The following DYM variants were observed in gnomAD, a reference collection of about 807,000 sequenced individuals.
DYM encodes the protein dymeclin.
A neutral mutation model predicts 93.1 loss-of-function variants in DYM; 78 were observed. The observed-to-expected ratio is 0.84, with a 90% CI of 0.70 to 1.01. The LOEUF is 1.01. DYM is among the 50% of genes least tolerant of loss of function. DYM has a pLI of 0.00. For synonymous variants in DYM, 321 were observed against 319.7 expected (o/e 1.00, Z -0.04); for missense variants, 789 against 845.0 (o/e 0.93, Z 0.82).
At chr18:49,124,988 G>A (rs185896623) in intron 15 of DYM, among the ~76,000 whole-genome samples, 2 of 152,216 alleles carry the variant, frequency 1.3e-5, no homozygotes, top group African/African-American at 4.8e-5. Flanking sequence ...GGCCAGGCAC[G>A]GTGGCTCACG....
At chr18:49,150,137 G>A (rs1415280578) in intron 15 of DYM, among the ~76,000 whole-genome samples, 3 of 152,178 alleles carry the variant, frequency 2.0e-5, no homozygotes, top group Admixed American at 6.5e-5. Flanking sequence ...ATTGGTTAAT[G>A]AGTTACTTCA....
At chr18:49,144,112 A>G (rs1321009861) in intron 15 of DYM, among the ~76,000 whole-genome samples, 1 of 152,310 alleles carries the variant, frequency 6.6e-6, no homozygotes, top group African/African-American at 2.4e-5. Flanking sequence ...TAAAATCTCT[A>G]TGGTGTAATT....
intron 16 of DYM, among the ~76,000 whole-genome samples, chr18:49,117,752 C>T (rs1021129975): frequency 1.3e-5 from 2 of 152,174 alleles, no homozygotes; most frequent in Non-Finnish European, 2.9e-5. Flanking sequence ...ACTGGTTCTA[C>T]ACACTACAGT....
At chr18:49,198,802 T>C (rs994034060) in intron 14 of DYM, among the ~76,000 whole-genome samples, 1 of 151,958 alleles carries the variant, frequency 6.6e-6, no homozygotes, top group Non-Finnish European at 1.5e-5. Context: ...AGTTTAACCA[T>C]TGTGGAAGTC....
At chr18:49,180,085 G>C (rs2089772432) in intron 14 of DYM, among the ~76,000 whole-genome samples, 1 of 152,122 alleles carries the variant, frequency 6.6e-6, no homozygotes, top group East Asian at 1.9e-4. Flanking sequence ...CCTAACTCTA[G>C]TCTGATAACA....
At chr18:49,199,234 G>C (rs555197839) in intron 14 of DYM, among the ~76,000 whole-genome samples, 1 of 152,130 alleles carries the variant, frequency 6.6e-6, no homozygotes, top group South Asian at 2.1e-4. Flanking sequence ...GTTGTGGGGT[G>C]GGGGGAGAAA....
intron 7 of DYM, among the ~76,000 whole-genome samples, chr18:49,333,100 A>C (rs2063425495): frequency 6.6e-6 from 1 of 152,234 alleles, no homozygotes; most frequent in South Asian, 2.1e-4. Flanking sequence ...CCTCAAAGGT[A>C]CTTTATTTGG....
intron 15 of DYM, among the ~76,000 whole-genome samples, chr18:49,156,469 C>T (rs1337563717): frequency 1.3e-5 from 2 of 151,938 alleles, no homozygotes; most frequent in African/African-American, 2.4e-5. Flanking sequence ...TGGTGGCTCA[C>T]GCCTGTAATC....
chr18:49,446,545 T>C (rs969617776), intron 1 of DYM, among the ~76,000 whole-genome samples: 1 of 152,170 alleles, frequency 6.6e-6, no homozygotes, highest in African/African-American at 2.4e-5. Context: ...AAGCCATATA[T>C]AAGCTACATC....
chr18:49,212,539 C>A (rs1215357324), intron 13 of DYM, among the ~76,000 whole-genome samples: 1 of 151,662 alleles, frequency 6.6e-6, no homozygotes, highest in Non-Finnish European at 1.5e-5. Context: ...ATTCTGTCAC[C>A]CAGGCTGGAG....
intron 14 of DYM, among the ~76,000 whole-genome samples, chr18:49,206,806 C>A (rs778709105): frequency 2.6e-5 from 4 of 152,228 alleles, no homozygotes; most frequent in African/African-American, 7.2e-5. Context: ...TGAAAAAATA[C>A]CCCCTGGAGG....
intron 1 of DYM, among the ~76,000 whole-genome samples, chr18:49,457,476 C>G (rs1186269620): frequency 6.6e-6 from 1 of 152,194 alleles, no homozygotes; most frequent in Non-Finnish European, 1.5e-5. Context: ...AAAGCCTATA[C>G]TACAAGTGTC....
intron 13 of DYM, among the ~76,000 whole-genome samples, chr18:49,210,804 T>C (rs1480862412): frequency 2.6e-5 from 4 of 152,208 alleles, no homozygotes; most frequent in Non-Finnish European, 5.9e-5. Flanking sequence ...GGCAACTCTA[T>C]ACTTTCTGAT....
At position 49,038,296 on chromosome 18, in the gene DYM, C is replaced by T. The variant is rs769036683; in HGVS notation, c.*5759G>A. ...TTTTTCTACCAATTAACAAAATAGGCATGTTAAAATATCACTCTGGTTGCA... is the reference window on the plus strand; with the variant it reads ...TTTTTCTACCAATTAACAAAATAGGTATGTTAAAATATCACTCTGGTTGCA... On this transcript the variant is annotated 3_prime_UTR_variant, in exon 18 of 18. Coordinates refer to ENST00000675505, the MANE Select transcript of DYM (RefSeq NM_001353214.3). Among the ~76,000 whole-genome samples, 5 of 152,182 alleles carry T rather than the reference C, an allele frequency of 3.3e-5. No homozygotes were observed. The highest frequency in any genetic ancestry group is 7.3e-5 in the Non-Finnish European group (5 of 68,032).
rs913073703 is a variant in DYM, at chr18:49,325,198, A to C, written c.763+6666T>G. On this transcript the variant is annotated intron_variant, in intron 8 of 17. Transcript: ENST00000675505. ...AAAGATTCCTGTGGGTAAGTCCTAA[A>C]ACACAGGGGAAACTATAGGAATCCT... 3.3e-5 allele frequency among the ~76,000 whole-genome samples: 5 copies of C among 152,182 alleles called. No homozygotes were observed. The East Asian group carries it at 9.6e-4, about 29-fold the overall frequency.
At chr18:49,300,704 C>T (rs192537496) in intron 8 of DYM, among the ~76,000 whole-genome samples, 12 of 152,080 alleles carry the variant, frequency 7.9e-5, no homozygotes, top group Admixed American at 5.9e-4. Flanking sequence ...AAATATAAAC[C>T]GAATTACAGC....
chr18:49,341,206 A>G (rs1434386886), intron 6 of DYM, among the ~76,000 whole-genome samples: 3 of 152,158 alleles, frequency 2.0e-5, no homozygotes, highest in African/African-American at 7.2e-5. Flanking sequence ...CAAAGATGAT[A>G]AAGGCTGGAT....
chr18:49,293,992 A>G (rs530126480), intron 8 of DYM, among the ~76,000 whole-genome samples: 3 of 152,310 alleles, frequency 2.0e-5, no homozygotes, highest in Admixed American at 2.0e-4. Flanking sequence ...TAATTTTTGT[A>G]TAAGGTGTAA....
chr18:49,406,931 G>A (rs1216894635), intron 2 of DYM, among the ~76,000 whole-genome samples: 1 of 152,122 alleles, frequency 6.6e-6, no homozygotes, highest in Non-Finnish European at 1.5e-5. Context: ...GCCAAAAAGT[G>A]GTAATGATCC....
Sources: gnomAD v4.1 joint callset for allele counts (sites outside exome capture counted in the v4.1 genomes callset) on GRCh38, gnomAD v4.1.1 for gene constraint, MANE v1.5 for transcripts, NCBI Gene and HGNC (gene_info 2026-07-23, HGNC 2026-07-21) for gene names.